The following ANKS1B variants were observed in gnomAD, a reference collection of about 807,000 sequenced individuals.
ANKS1B encodes the protein ankyrin repeat and sterile alpha motif domain-containing protein 1B.
In ANKS1B, 36 loss-of-function variants were observed where a neutral mutation model predicts 148.3. The ratio of observed to expected loss-of-function variants is 0.24; its 90% confidence interval spans 0.19 to 0.32. The LOEUF is 0.32. ANKS1B is among the 10% of genes least tolerant of loss of function. The probability of loss-of-function intolerance (pLI) is 1.00; values close to 1 mark genes in which losing one functional copy is unlikely to be tolerated. For synonymous variants in ANKS1B, 542 were observed against 560.8 expected, an observed-to-expected ratio of 0.97 and a Z score of 0.47; for missense variants, 1,157 against 1,542.6, an observed-to-expected ratio of 0.75 and a Z score of 4.19.
At chr12:99,491,325 T>C (rs1395174213) in intron 10 of ANKS1B, among the ~76,000 whole-genome samples, 1 of 151,974 alleles carries the variant, frequency 6.6e-6, no homozygotes, top group East Asian at 1.9e-4. Flanking sequence ...AAAAGCTTAA[T>C]TGTTAGTATG....
Position 99,062,945 on chromosome 12 carries a change from G to A in ANKS1B, c.2626-9636C>T, listed in dbSNP as rs77129157. On this transcript the variant is annotated intron_variant, in intron 16 of 26. Transcript: ENST00000683438. ...CTGTGTTAAAACAGTGCGAGTGTTT[G>A]GAAGCTACATGGTTTAGACTTGGTG... is the stretch of plus-strand genomic sequence containing the variant. Among the ~76,000 whole-genome samples, 616 of 152,280 alleles carry A rather than the reference G, an allele frequency of 4.0e-3. 24 individuals are homozygous for A. The East Asian group carries it at 0.085, about 21-fold the overall frequency.
chr12:99,568,799 G>T (rs1248981543), intron 9 of ANKS1B, among the ~76,000 whole-genome samples: 1 of 152,152 alleles, frequency 6.6e-6, no homozygotes, highest in Non-Finnish European at 1.5e-5. Flanking sequence ...TATCATAAAA[G>T]AAAATTTCAA....
intron 19 of ANKS1B, among the ~76,000 whole-genome samples, chr12:98,828,845 T>C (rs1161322866): frequency 6.6e-6 from 1 of 152,236 alleles, no homozygotes; most frequent in Non-Finnish European, 1.5e-5. Flanking sequence ...AATTTACATT[T>C]TGTAATCTAG....
intron 17 of ANKS1B, among the ~76,000 whole-genome samples, chr12:98,996,316 C>T (rs977819425): frequency 6.6e-6 from 1 of 152,102 alleles, no homozygotes; most frequent in African/African-American, 2.4e-5. Context: ...TGTCTCTGAG[C>T]ATGGGAAGAT....
chr12:99,043,473 G>T (rs892383289), intron 17 of ANKS1B, among the ~76,000 whole-genome samples: 1 of 152,294 alleles, frequency 6.6e-6, no homozygotes, highest in African/African-American at 2.4e-5. Flanking sequence ...TTGCTTTAGG[G>T]TTCAGTAACT....
chr12:99,173,564 G>A (rs1181866944), intron 14 of ANKS1B, among the ~76,000 whole-genome samples: 3 of 152,040 alleles, frequency 2.0e-5, no homozygotes, highest in Admixed American at 6.6e-5. Context: ...AAAGAATAGA[G>A]CTGGCTTAAA....
chr12:99,121,685 C>T (rs534375425), intron 15 of ANKS1B, among the ~76,000 whole-genome samples: 21 of 152,084 alleles, frequency 1.4e-4, no homozygotes, highest in Admixed American at 7.2e-4. Flanking sequence ...ACCATAGCCA[C>T]GGGATGAACA....
intron 9 of ANKS1B, among the ~76,000 whole-genome samples, chr12:99,572,906 T>TA (rs2097475876): frequency 6.6e-6 from 1 of 152,084 alleles, no homozygotes; most frequent in East Asian, 1.9e-4. Flanking sequence ...TTTACATTCT[T>TA]ACGGTATATT....
intron 17 of ANKS1B, among the ~76,000 whole-genome samples, chr12:98,845,971 T>C (rs1165920406): frequency 0.011 from 614 of 57,644 alleles, 9 homozygotes; most frequent in African/African-American, 0.027. Context: ...TCTTCATATA[T>C]ATATATATAC....
At chr12:99,638,331 G>A (rs1339345760) in intron 9 of ANKS1B, among the ~76,000 whole-genome samples, 1 of 151,952 alleles carries the variant, frequency 6.6e-6, no homozygotes, top group East Asian at 1.9e-4. Flanking sequence ...GAGCTTCCTA[G>A]AGACTTGCTG....
At position 99,546,533 on chromosome 12, in the gene ANKS1B, T is replaced by C. The variant is rs80159793; in HGVS notation, c.1273-41892A>G. Among the ~76,000 whole-genome samples, 974 of 152,250 alleles carry C rather than the reference T, an allele frequency of 6.4e-3. 12 individuals carry two copies. Among genetic ancestry groups the C allele is most frequent in the African/African-American group, 0.022 (923 of 41,560 alleles). On this transcript the variant is annotated intron_variant, in intron 9 of 26. Transcript: ENST00000683438. Reference sequence around the variant, plus strand: ...CTGCTGCTCTCAGTAGAGGGATCAATAATTCTTCCCTACTGGGCTGCAGAG... The same window carrying C: ...CTGCTGCTCTCAGTAGAGGGATCAACAATTCTTCCCTACTGGGCTGCAGAG...
At chr12:99,581,911 A>AAG (rs1046510344) in intron 9 of ANKS1B, among the ~76,000 whole-genome samples, 2 of 151,158 alleles carry the variant, frequency 1.3e-5, no homozygotes, top group African/African-American at 4.8e-5. Context: ...AAAAAAAAAA[A>AAG]AAAAGAAAAA....
chr12:99,163,157 T>A (rs1044877681), intron 14 of ANKS1B, among the ~76,000 whole-genome samples: 65 of 152,344 alleles, frequency 4.3e-4, no homozygotes, highest in African/African-American at 1.5e-3. Flanking sequence ...TTCAACTTTT[T>A]AAAAATAACT....
intron 17 of ANKS1B, among the ~76,000 whole-genome samples, chr12:99,001,734 G>A (rs1478664768): frequency 6.6e-6 from 1 of 152,116 alleles, no homozygotes; most frequent in African/African-American, 2.4e-5. Context: ...TTATCATGCT[G>A]TACTAATATT....
intron 9 of ANKS1B, among the ~76,000 whole-genome samples, chr12:99,570,962 C>G (rs529164565): frequency 4.0e-5 from 6 of 151,856 alleles, no homozygotes; most frequent in Admixed American, 1.3e-4. Flanking sequence ...CAAATAGTTC[C>G]GAAATTTATT....
At chr12:98,979,649 T>C (rs1023950011) in intron 17 of ANKS1B, among the ~76,000 whole-genome samples, 2 of 146,182 alleles carry the variant, frequency 1.4e-5, no homozygotes, top group African/African-American at 5.3e-5. Flanking sequence ...AGTGTCTTTT[T>C]TCTCTGGATG....
chr12:99,002,201 T>C (rs1266037294), intron 17 of ANKS1B, among the ~76,000 whole-genome samples: 1 of 152,212 alleles, frequency 6.6e-6, no homozygotes, highest in East Asian at 1.9e-4. Context: ...AGCAGTGTTG[T>C]TCTTCACTTT....
intron 12 of ANKS1B, among the ~76,000 whole-genome samples, chr12:99,296,111 G>A (rs1012145499): frequency 5.3e-5 from 8 of 151,908 alleles, no homozygotes; most frequent in African/African-American, 1.9e-4. Flanking sequence ...TTTATTCATT[G>A]AGTCAAACCT....
chr12:99,916,698 C>T lies in ANKS1B; in HGVS notation c.134+67406G>A, dbSNP rs532174057. Among the ~76,000 whole-genome samples the T allele has an allele frequency of 9.9e-5, 15 of 152,162 alleles. No individual in the cohort carries two copies. In the South Asian group the frequency reaches 3.1e-3, roughly 32 times the overall value. On this transcript the variant is annotated intron_variant, in intron 1 of 26. Transcript: ENST00000683438. ...CAGGTGGAATAACAATTTGTGCCAC[C>T]CTCAGAATGCTTCCTGCAAAAAAAC...
Sources: gnomAD v4.1 joint callset for allele counts (sites outside exome capture counted in the v4.1 genomes callset) on GRCh38, gnomAD v4.1.1 for gene constraint, MANE v1.5 for transcripts, NCBI Gene and HGNC (gene_info 2026-07-23, HGNC 2026-07-21) for gene names.